The following CACUL1 variants were observed in gnomAD, a reference collection of about 807,000 sequenced individuals.
CACUL1 encodes CDK2-associated and cullin domain-containing protein 1.
Under a neutral mutation model 45.2 loss-of-function variants are expected in CACUL1, and 13 were observed. That is an observed-to-expected ratio of 0.29 (90% CI 0.19 to 0.46). CACUL1 has a LOEUF of 0.46. CACUL1 is among the 20% of genes least tolerant of loss of function. The probability of loss-of-function intolerance (pLI) is 1.00; values close to 1 mark genes in which losing one functional copy is unlikely to be tolerated. For missense variants in CACUL1, 421 were observed against 471.4 expected (o/e 0.89, Z 0.99); for synonymous variants, 197 against 174.2 (o/e 1.13, Z -1.03).
At chr10:118,686,885 T>A (rs60285883) in intron 7 of CACUL1, 59,969 of 485,912 alleles carry the variant, frequency 0.12, 4,632 homozygotes, top group Admixed American at 0.28. Context: ...CTAATTCCAC[T>A]TTAGAGTTAA....
chr10:118,741,267 G>A (rs996008218), intron 1 of CACUL1, among the ~76,000 whole-genome samples: 12 of 152,060 alleles, frequency 7.9e-5, no homozygotes, highest in South Asian at 2.1e-4. Flanking sequence ...TTTTAAGTAC[G>A]AAGAGTTTGG....
intron 3 of CACUL1, among the ~76,000 whole-genome samples, chr10:118,718,969 A>G (rs1845573931): frequency 6.6e-6 from 1 of 152,236 alleles, no homozygotes; most frequent in South Asian, 2.1e-4. Context: ...TAAGACCAAA[A>G]AAACAAAAAC....
chr10:118,753,143 CAGG>C (rs1221001665), intron 1 of CACUL1, among the ~76,000 whole-genome samples: 1 of 152,196 alleles, frequency 6.6e-6, no homozygotes, highest in Non-Finnish European at 1.5e-5. Context: ...TGCCACTCTA[CAGG>C]AGGTCTGGTT....
chr10:118,734,653 A>G (rs1255818367), intron 1 of CACUL1, among the ~76,000 whole-genome samples: 1 of 152,240 alleles, frequency 6.6e-6, no homozygotes, highest in Non-Finnish European at 1.5e-5. Flanking sequence ...GCTTTATTGA[A>G]CAGCAGAATG....
In CACUL1 at chr10:118,694,869, A is replaced by C. The variant is rs538656409; in HGVS notation, c.886+272T>G. ...AAAGAAGAAACTAAGACCAAACATG[A>C]GATTCAATTTTATCCAAAGTGTATC... On this transcript the variant is annotated intron_variant, in intron 6 of 8. Transcript: ENST00000369151. 1.0e-5 allele frequency: 3 copies of C among 289,440 alleles called. No individual in the cohort carries two copies. The East Asian group carries it at 2.0e-4, about 20-fold the overall frequency. 17.9% of individuals were successfully genotyped at this position (289,440 alleles called of 1,614,324 possible). A position where few individuals can be genotyped will look rare whatever the true frequency, so the allele number is the denominator to read the frequency against.
intron 5 of CACUL1, among the ~76,000 whole-genome samples, chr10:118,697,958 T>A (rs1304649164): frequency 6.6e-6 from 1 of 152,186 alleles, no homozygotes; most frequent in African/African-American, 2.4e-5. Context: ...AAAATGATTA[T>A]ACCATGGAGC....
chr10:118,688,072 T>C (rs768536659), intron 7 of CACUL1, among the ~76,000 whole-genome samples: 2 of 152,350 alleles, frequency 1.3e-5, no homozygotes, highest in Non-Finnish European at 2.9e-5. Flanking sequence ...CCATTTACTT[T>C]CTCTGGTTAT....
chr10:118,730,843 C>T lies in CACUL1; in HGVS notation c.368-433G>A, dbSNP rs148885487. 1.2e-3 allele frequency among the ~76,000 whole-genome samples: 177 copies of T among 152,286 alleles called. 2 individuals carry two copies. Among genetic ancestry groups the T allele is most frequent in the Non-Finnish European group, 3.1e-4 (21 of 68,026 alleles). On this transcript the variant is annotated intron_variant, in intron 1 of 8. Transcript: ENST00000369151. ...AACAATCAATCTTTGTAGACATCCTCGAGGAAATGTGCCTAAGGACAGGAC... is the reference window on the plus strand; with the variant it reads ...AACAATCAATCTTTGTAGACATCCTTGAGGAAATGTGCCTAAGGACAGGAC...
intron 2 of CACUL1, among the ~76,000 whole-genome samples, chr10:118,729,864 T>A (rs1356964285): frequency 1.3e-5 from 2 of 152,182 alleles, no homozygotes; most frequent in Non-Finnish European, 2.9e-5. Context: ...ACTGTGCTGA[T>A]CTCATATCCC....
intron 5 of CACUL1, among the ~76,000 whole-genome samples, chr10:118,697,155 G>C (rs981278049): frequency 6.6e-6 from 1 of 152,192 alleles, no homozygotes; most frequent in African/African-American, 2.4e-5. Context: ...GTGGTAACTT[G>C]AGAGAGAAAA....
Position 118,701,350 on chromosome 10 carries a change from A to G in CACUL1, c.752T>C (p.Leu251Pro). Reference protein sequence around the residue: ...NRDLKDDLIKLFTEHVAEKHI... With the variant: ...NRDLKDDLIKPFTEHVAEKHI... ...CTTTTCTGCAACATGTTCCGTAAAC[A>G]GCTTTATAAGGTCATCTTTTAAGTC... The change falls in exon 5 of 9, where the codon CTG becomes CCG. Residue 251 changes from leucine to proline, a missense_variant. Transcript: ENST00000369151. 2 of 1,577,790 alleles carry G rather than the reference A, an allele frequency of 1.3e-6. No homozygotes were observed. Among genetic ancestry groups the G allele is most frequent in the African/African-American group, 2.7e-5 (2 of 74,634 alleles).
chr10:118,724,080 T>C lies in CACUL1; in HGVS notation c.597+5215A>G, dbSNP rs1276531933. Among the ~76,000 whole-genome samples the C allele has an allele frequency of 2.6e-5, 4 of 152,170 alleles. No individual in the cohort carries two copies. The East Asian group carries it at 5.8e-4, about 22-fold the overall frequency. On this transcript the variant is annotated intron_variant, in intron 3 of 8. Coordinates refer to ENST00000369151, the MANE Select transcript of CACUL1 (RefSeq NM_153810.5). Reference sequence around the variant, plus strand: ...ACACCTGGCCGAATCAAGACCATCTTAATCCAATCAGGAATCAGGCTTTAG... The same window carrying C: ...ACACCTGGCCGAATCAAGACCATCTCAATCCAATCAGGAATCAGGCTTTAG...
chr10:118,711,932 T>C (rs1251877277), intron 3 of CACUL1, among the ~76,000 whole-genome samples: 1 of 152,216 alleles, frequency 6.6e-6, no homozygotes, highest in African/African-American at 2.4e-5. Context: ...CCTAATCAAA[T>C]TGTTTCTCCT....
chr10:118,709,707 A>G (rs1845466193), intron 3 of CACUL1, among the ~76,000 whole-genome samples: 1 of 152,260 alleles, frequency 6.6e-6, no homozygotes, highest in African/African-American at 2.4e-5. Flanking sequence ...ATGAAATTAT[A>G]AGACCACTTC....
chr10:118,698,440 AGCCGACAT>A (rs1285665349), intron 5 of CACUL1, among the ~76,000 whole-genome samples: 1 of 152,120 alleles, frequency 6.6e-6, no homozygotes, highest in Non-Finnish European at 1.5e-5. Context: ...CATCGCGCCC[AGCCGACAT>A]GCCTTTTATC....
At chr10:118,727,864 T>C (rs749449022) in intron 3 of CACUL1, among the ~76,000 whole-genome samples, 5 of 152,162 alleles carry the variant, frequency 3.3e-5, no homozygotes, top group Non-Finnish European at 5.9e-5. Context: ...GTCCATAAAC[T>C]GGATTCAGGT....
intron 1 of CACUL1, among the ~76,000 whole-genome samples, chr10:118,754,146 G>A (rs972143412): frequency 6.6e-6 from 1 of 152,136 alleles, no homozygotes; most frequent in Non-Finnish European, 1.5e-5. Context: ...TTGGGGCTCC[G>A]TGTGTACCAG....
intron 3 of CACUL1, among the ~76,000 whole-genome samples, chr10:118,711,471 A>G (rs1011166486): frequency 2.0e-5 from 3 of 152,266 alleles, no homozygotes; most frequent in African/African-American, 7.2e-5. Flanking sequence ...TAACTAATGA[A>G]CGGAATCATA....
At chr10:118,723,300 A>T (rs574171622) in intron 3 of CACUL1, among the ~76,000 whole-genome samples, 1 of 152,316 alleles carries the variant, frequency 6.6e-6, no homozygotes, top group South Asian at 2.1e-4. Flanking sequence ...AGTTGAAAAT[A>T]AAGTAGTGCT....
Sources: allele counts gnomAD v4.1 joint callset (sites outside exome capture counted in the v4.1 genomes callset), GRCh38; gene constraint gnomAD v4.1.1; transcripts MANE v1.5; gene names NCBI Gene and HGNC (gene_info 2026-07-23, HGNC 2026-07-21).